AFG2A: variants seen among roughly 807,000 people sequenced by gnomAD.
AFG2A encodes the protein AAA ATPase AFG2A.
the AFG2A span, among the ~76,000 whole-genome samples, chr4:122,991,881 G>C: frequency 6.6e-6 from 1 of 152,022 alleles, no homozygotes; most frequent in African/African-American, 2.4e-5. Context: ...CTCTAGAATC[G>C]ATGTTATAAA....
the AFG2A span, among the ~76,000 whole-genome samples, chr4:123,072,300 T>G: frequency 1.3e-5 from 2 of 152,190 alleles, no homozygotes; most frequent in Admixed American, 1.3e-4. Context: ...GTCTGGGAAG[T>G]AGGTATTCAA....
chr4:122,979,241 C>T, the AFG2A span: 1 of 1,614,042 alleles, frequency 6.2e-7, no homozygotes, highest in Non-Finnish European at 8.5e-7. Context: ...GGTCTCTGTG[C>T]CTTGCGGAGA....
the AFG2A span, among the ~76,000 whole-genome samples, chr4:122,981,309 CT>C: frequency 1.3e-5 from 2 of 152,026 alleles, no homozygotes; most frequent in African/African-American, 4.8e-5. Context: ...TCTTCGGTAC[CT>C]TTGCAGATCA....
chr4:123,184,244 T>A, the AFG2A span, among the ~76,000 whole-genome samples: 1 of 152,192 alleles, frequency 6.6e-6, no homozygotes, highest in Non-Finnish European at 1.5e-5. Flanking sequence ...AAACAAATGA[T>A]ACTGGTCTGT....
At chr4:122,941,065 A>G in the AFG2A span, among the ~76,000 whole-genome samples, 1 of 149,896 alleles carries the variant, frequency 6.7e-6, no homozygotes. Flanking sequence ...GTCAGGTAGC[A>G]TGATGCCTCC....
the AFG2A span, among the ~76,000 whole-genome samples, chr4:123,181,231 A>G: frequency 2.0e-5 from 3 of 151,210 alleles, no homozygotes; most frequent in Middle Eastern, 3.4e-3. Flanking sequence ...TGATCCGCCC[A>G]CCTTGGCCTC....
the AFG2A span, among the ~76,000 whole-genome samples, chr4:123,172,830 G>A: frequency 6.6e-6 from 1 of 152,072 alleles, no homozygotes; most frequent in African/African-American, 2.4e-5. Context: ...CTGCTAGACA[G>A]CTCATTTCTT....
At chr4:123,277,653 C>T in the AFG2A span, among the ~76,000 whole-genome samples, 1 of 152,068 alleles carries the variant, frequency 6.6e-6, no homozygotes, top group East Asian at 1.9e-4. Context: ...TTGTTCCTTC[C>T]ATGCCTGGTT....
At chr4:122,945,760 C>T in the AFG2A span, among the ~76,000 whole-genome samples, 3 of 152,194 alleles carry the variant, frequency 2.0e-5, no homozygotes, top group South Asian at 2.1e-4. Flanking sequence ...AGCTGTAGAC[C>T]GGAGCTGTTC....
At chr4:122,994,319 ATCT>A in the AFG2A span, among the ~76,000 whole-genome samples, 2 of 152,280 alleles carry the variant, frequency 1.3e-5, no homozygotes, top group East Asian at 3.9e-4. Context: ...TGCTGCTTTT[ATCT>A]ACTATTAAAA....
At chr4:123,025,060 C>T in the AFG2A span, among the ~76,000 whole-genome samples, 1 of 152,120 alleles carries the variant, frequency 6.6e-6, no homozygotes, top group African/African-American at 2.4e-5. Context: ...CACTGACAAC[C>T]AGAGACAACA....
At chr4:122,982,153 G>A in the AFG2A span, among the ~76,000 whole-genome samples, 33 of 152,176 alleles carry the variant, frequency 2.2e-4, no homozygotes, top group African/African-American at 7.7e-4. Flanking sequence ...TACATATAGC[G>A]TTATGATGTT....
At chr4:123,207,315 C>T in the AFG2A span, among the ~76,000 whole-genome samples, 1,436 of 120,888 alleles carry the variant, frequency 0.012, 37 homozygotes, top group African/African-American at 0.042. Context: ...TTGTGAGACA[C>T]GGTCTAGCTC....
chr4:123,215,281 T>C, the AFG2A span, among the ~76,000 whole-genome samples: 1 of 152,098 alleles, frequency 6.6e-6, no homozygotes, highest in Non-Finnish European at 1.5e-5. Context: ...TTTTTATCCC[T>C]AATCAGGCCC....
the AFG2A span, among the ~76,000 whole-genome samples, chr4:123,007,994 GT>G: frequency 6.6e-6 from 1 of 151,850 alleles, no homozygotes; most frequent in Admixed American, 6.6e-5. Flanking sequence ...TAGTTTTTTT[GT>G]TTTGTTTTTT....
chr4:123,006,856 T>C, the AFG2A span, among the ~76,000 whole-genome samples: 1 of 152,044 alleles, frequency 6.6e-6, no homozygotes, highest in Non-Finnish European at 1.5e-5. Context: ...TTTTTCTCTT[T>C]CTCCTTACGG....
chr4:123,301,168 GGT>G, the AFG2A span, among the ~76,000 whole-genome samples: 12 of 152,056 alleles, frequency 7.9e-5, no homozygotes, highest in Admixed American at 7.9e-4. Flanking sequence ...TGTATACATG[GGT>G]GTATGTTTTC....
At chr4:122,945,989 T>C in the AFG2A span, among the ~76,000 whole-genome samples, 12 of 151,318 alleles carry the variant, frequency 7.9e-5, no homozygotes, top group Non-Finnish European at 1.6e-4. Flanking sequence ...GTGATTTTCA[T>C]GTCCCAGGTT....
chr4:123,145,261 A>C, the AFG2A span, among the ~76,000 whole-genome samples: 1 of 152,072 alleles, frequency 6.6e-6, no homozygotes, highest in Non-Finnish European at 1.5e-5. Flanking sequence ...TCTTTTACTC[A>C]GTTGCCCAAT....
Sources: gnomAD v4.1 joint callset for allele counts (sites outside exome capture counted in the v4.1 genomes callset) on GRCh38, gnomAD v4.1.1 for gene constraint, MANE v1.5 for transcripts, NCBI Gene and HGNC (gene_info 2026-07-23, HGNC 2026-07-21) for gene names.